PPP2R2B: variants seen among roughly 807,000 people sequenced by gnomAD.
PPP2R2B encodes serine/threonine-protein phosphatase 2A 55 kDa regulatory subunit B beta isoform.
PPP2R2B carries 5 observed loss-of-function variants against 46.0 expected under a neutral mutation model. The observed-to-expected ratio is 0.11, with a 90% CI of 0.06 to 0.23. The LOEUF (loss-of-function observed/expected upper bound fraction) is 0.23. Ranked by LOEUF, PPP2R2B falls within the 10% of genes least tolerant of loss-of-function variation. The pLI is 1.00. For synonymous variants in PPP2R2B, 215 were observed against 206.7 expected, an observed-to-expected ratio of 1.04 and a Z score of -0.34; for missense variants, 367 against 575.0, an observed-to-expected ratio of 0.64 and a Z score of 3.70.
chr5:146,644,234 C>CAAAAAAAAAAAA (rs58634387), intron 6 of PPP2R2B, among the ~76,000 whole-genome samples: 1 of 60,660 alleles, frequency 1.6e-5, no homozygotes, highest in African/African-American at 6.3e-5. Context: ...AGGAAAGTTT[C>CAAAAAAAAAAAA]AAAAAAAAAA....
chr5:146,774,635 G>T (rs891823461), intron 2 of PPP2R2B, among the ~76,000 whole-genome samples: 3 of 151,948 alleles, frequency 2.0e-5, no homozygotes, highest in African/African-American at 4.8e-5. Flanking sequence ...TGGCCAACAC[G>T]GCAAAACCCC....
At chr5:146,593,859 T>C (rs2151004249) in intron 8 of PPP2R2B, among the ~76,000 whole-genome samples, 1 of 152,328 alleles carries the variant, frequency 6.6e-6, no homozygotes, top group East Asian at 1.9e-4. Flanking sequence ...GATTGCTGAA[T>C]CTGCTGTGTT....
chr5:146,828,518 T>C (rs1363062775), intron 2 of PPP2R2B, among the ~76,000 whole-genome samples: 1 of 152,220 alleles, frequency 6.6e-6, no homozygotes, highest in Non-Finnish European at 1.5e-5. Flanking sequence ...GAAGCTCAGA[T>C]TCCATCTGTG....
intron 5 of PPP2R2B, among the ~76,000 whole-genome samples, chr5:146,675,106 C>T (rs748794426): frequency 6.6e-6 from 1 of 152,112 alleles, no homozygotes; most frequent in South Asian, 2.1e-4. Flanking sequence ...GGATTACAGG[C>T]ATGCGCCACC....
intron 2 of PPP2R2B, among the ~76,000 whole-genome samples, chr5:146,806,502 CTT>C (rs1757187576): frequency 6.6e-6 from 1 of 152,218 alleles, no homozygotes; most frequent in African/African-American, 2.4e-5. Flanking sequence ...GTACCTGACT[CTT>C]TCCATTCCTT....
At chr5:147,067,577 G>A (rs1046967189) in intron 2 of PPP2R2B, among the ~76,000 whole-genome samples, 1 of 152,106 alleles carries the variant, frequency 6.6e-6, no homozygotes, top group Non-Finnish European at 1.5e-5. Context: ...ATGCCACAGG[G>A]GAACCTGAGT....
chr5:146,995,236 G>A (rs76522635), intron 1 of PPP2R2B, among the ~76,000 whole-genome samples: 2 of 152,174 alleles, frequency 1.3e-5, no homozygotes, highest in Non-Finnish European at 2.9e-5. Flanking sequence ...ATAGTAATCA[G>A]TATTCATATT....
At chr5:146,997,775 A>G (rs758447212) in intron 1 of PPP2R2B, among the ~76,000 whole-genome samples, 16 of 152,340 alleles carry the variant, frequency 1.1e-4, no homozygotes, top group Non-Finnish European at 2.2e-4. Context: ...CACAAAACCT[A>G]GCAACATCTC....
At chr5:146,782,432 G>C (rs754957320) in intron 2 of PPP2R2B, among the ~76,000 whole-genome samples, 1 of 152,128 alleles carries the variant, frequency 6.6e-6, no homozygotes, top group Non-Finnish European at 1.5e-5. Flanking sequence ...TTCCCCTAAA[G>C]CATCTGTTCC....
At chr5:146,781,572 AT>A (rs1364117838) in intron 2 of PPP2R2B, among the ~76,000 whole-genome samples, 1 of 151,844 alleles carries the variant, frequency 6.6e-6, no homozygotes, top group Admixed American at 6.6e-5. Flanking sequence ...CAGGCAAGGC[AT>A]TTTTCATGAA....
chr5:146,993,818 TA>T (rs1561562857), intron 1 of PPP2R2B, among the ~76,000 whole-genome samples: 3 of 146,844 alleles, frequency 2.0e-5, no homozygotes, highest in Admixed American at 6.8e-5. Flanking sequence ...TTTTTTTTTT[TA>T]AATAAATGTA....
intron 7 of PPP2R2B, among the ~76,000 whole-genome samples, chr5:146,622,987 C>A (rs1276879778): frequency 6.6e-6 from 1 of 152,168 alleles, no homozygotes; most frequent in Non-Finnish European, 1.5e-5. Context: ...ATACATATCA[C>A]CTTTTATCTG....
chr5:146,799,486 C>A lies in PPP2R2B; in HGVS notation c.70+78516G>T, dbSNP rs369596595. ...AATATACAGTTTTGTAAGGAGGTATCGACAGGCTACAGTCACTCTGCCATG... is the reference window on the plus strand; with the variant it reads ...AATATACAGTTTTGTAAGGAGGTATAGACAGGCTACAGTCACTCTGCCATG... On this transcript the variant is annotated intron_variant, in intron 2 of 9. Coordinates refer to ENST00000394411, the MANE Select transcript of PPP2R2B (RefSeq NM_181675.4). 1.2e-4 allele frequency among the ~76,000 whole-genome samples: 19 copies of A among 152,284 alleles called. No individual in the cohort carries two copies. In the South Asian group the frequency reaches 1.7e-3, roughly 13 times the overall value.
rs1222476935 is a variant in PPP2R2B at position 146,691,121 on chromosome 5, C to T, written c.447+7G>A. The T allele has an allele frequency of 6.2e-7, 1 of 1,612,692 alleles. No homozygotes were observed. Among genetic ancestry groups the T allele is most frequent in the Non-Finnish European group, 8.5e-7 (1 of 1,179,160 alleles). The stretch of plus-strand genomic sequence containing the variant: ...CTGTGGTGGCCAGGGCAGCTGTTTG[C>T]ACTCACCCGCAGGGTTGTGATGGTG... On this transcript the variant is annotated splice_region_variant and intron_variant, in intron 5 of 9. Transcript: ENST00000394411.
At chr5:146,932,083 C>T (rs937533685) in intron 1 of PPP2R2B, among the ~76,000 whole-genome samples, 16 of 152,142 alleles carry the variant, frequency 1.1e-4, no homozygotes, top group African/African-American at 3.4e-4. Flanking sequence ...TGAACTGAAT[C>T]GTTTAGATTG....
intron 1 of PPP2R2B, among the ~76,000 whole-genome samples, chr5:147,038,361 C>G (rs796457090): frequency 6.6e-6 from 1 of 151,756 alleles, no homozygotes; most frequent in East Asian, 1.9e-4. Context: ...ATATAGTGTC[C>G]CCTGGGGATT....
chr5:147,014,829 A>T (rs186288523), intron 1 of PPP2R2B, among the ~76,000 whole-genome samples: 1 of 152,124 alleles, frequency 6.6e-6, no homozygotes, highest in Non-Finnish European at 1.5e-5. Context: ...GCACATGTAT[A>T]CATATGTAAC....
At chr5:147,059,147 C>A (rs1224672350), upstream of PPP2R2B, among the ~76,000 whole-genome samples, 1 of 152,126 alleles carries the variant, frequency 6.6e-6, no homozygotes, top group Non-Finnish European at 1.5e-5. Context: ...TGAGATACCA[C>A]CCCTGCTCTA....
At chr5:146,619,236 G>T (rs1422846726) in intron 7 of PPP2R2B, among the ~76,000 whole-genome samples, 2 of 151,314 alleles carry the variant, frequency 1.3e-5, no homozygotes, top group Non-Finnish European at 2.9e-5. Context: ...TATAAAAGGG[G>T]CAGTTTCCAC....
Sources: gnomAD v4.1 joint callset for allele counts (sites outside exome capture counted in the v4.1 genomes callset) on GRCh38, gnomAD v4.1.1 for gene constraint, MANE v1.5 for transcripts, NCBI Gene and HGNC (gene_info 2026-07-23, HGNC 2026-07-21) for gene names.